Variants in LTBP1 observed in about 807,000 individuals in gnomAD.
LTBP1 encodes latent-transforming growth factor beta-binding protein 1.
A neutral mutation model predicts 207.6 loss-of-function variants in LTBP1; 129 were observed. The ratio of observed to expected loss-of-function variants is 0.62; its 90% CI spans 0.54 to 0.72. The LOEUF (loss-of-function observed/expected upper bound fraction) is 0.72. Ranked by LOEUF, LTBP1 falls within the 30% of genes least tolerant of loss-of-function variation. The probability of loss-of-function intolerance (pLI) is 0.00; values close to 1 mark genes in which losing one functional copy is unlikely to be tolerated. For synonymous variants in LTBP1, 963 were observed against 833.7 expected (o/e 1.16, Z -2.67); for missense variants, 2,281 against 2,217.2 (o/e 1.03, Z -0.58).
At chr2:32,967,979 A>AGTTT (rs113343240) in intron 2 of LTBP1, among the ~76,000 whole-genome samples, 37 of 151,130 alleles carry the variant, frequency 2.4e-4, no homozygotes, top group African/African-American at 6.5e-4. Context: ...CATTTCTATC[A>AGTTT]GTTTGTTTGT....
At chr2:33,148,528 C>A (rs990241342) in intron 5 of LTBP1, among the ~76,000 whole-genome samples, 1 of 152,128 alleles carries the variant, frequency 6.6e-6, no homozygotes, top group Non-Finnish European at 1.5e-5. Context: ...GCAACTTTCC[C>A]TTCTGTGTGT....
chr2:32,981,507 G>A (rs1324884955), intron 2 of LTBP1, among the ~76,000 whole-genome samples: 1 of 152,124 alleles, frequency 6.6e-6, no homozygotes, highest in Non-Finnish European at 1.5e-5. Context: ...AGTTTGTTCA[G>A]CTTTTTACTT....
intron 3 of LTBP1, among the ~76,000 whole-genome samples, chr2:33,078,160 G>A (rs900900230): frequency 3.3e-5 from 5 of 152,194 alleles, no homozygotes; most frequent in African/African-American, 1.2e-4. Flanking sequence ...CATGAAATGT[G>A]ATAACTGCTG....
At chr2:33,007,996 G>A (rs1687159892) in intron 2 of LTBP1, among the ~76,000 whole-genome samples, 1 of 152,186 alleles carries the variant, frequency 6.6e-6, no homozygotes, top group Non-Finnish European at 1.5e-5. Flanking sequence ...GCCACTATAT[G>A]ACACTCGCTA....
At chr2:33,225,217 A>G (rs1375954586) in intron 9 of LTBP1, among the ~76,000 whole-genome samples, 2 of 152,208 alleles carry the variant, frequency 1.3e-5, no homozygotes, top group Non-Finnish European at 2.9e-5. Flanking sequence ...AGATCAAGGT[A>G]TTTAGCAAAT....
chr2:33,078,863 T>TTTC (rs2078239267), intron 3 of LTBP1, among the ~76,000 whole-genome samples: 1 of 85,466 alleles, frequency 1.2e-5, no homozygotes, highest in African/African-American at 3.7e-5. Context: ...TTTTCTTTTC[T>TTTC]TTTTTTTTTT....
chr2:32,952,219 G>A (rs1209329390), intron 2 of LTBP1, among the ~76,000 whole-genome samples: 5 of 152,194 alleles, frequency 3.3e-5, no homozygotes, highest in Non-Finnish European at 7.3e-5. Context: ...AAATGCTTCT[G>A]AAGACTAAAG....
At chr2:33,012,985 C>A (rs1000823977) in intron 2 of LTBP1, among the ~76,000 whole-genome samples, 1 of 152,136 alleles carries the variant, frequency 6.6e-6, no homozygotes, top group Admixed American at 6.6e-5. Flanking sequence ...CTGGTAGTAT[C>A]ACTTTATAGT....
rs1281388030 is a variant in LTBP1 at position 32,948,927 on chromosome 2, T to C, written c.547T>C (p.Ser183Pro). The C allele has an allele frequency of 1.2e-6, 2 of 1,614,116 alleles. No homozygotes were observed. Among genetic ancestry groups the C allele is most frequent in the South Asian group, 2.2e-5 (2 of 91,070 alleles). ...CCHGWSKAPGSQRCTKPSCVP... is the reference protein window; with the variant it reads ...CCHGWSKAPGPQRCTKPSCVP... ...TCATGGCTGGAGTAAGGCCCCTGGC[T>C]CCCAGAGGTGCACCAAACGTAAGTT... The change falls in exon 2 of 34, where the codon TCC (serine) becomes CCC (proline). Residue 183 changes from serine to proline, a missense_variant. Physicochemically the swap from Ser to Pro is moderately conservative, Grantham distance 74. Transcript: ENST00000404816.
chr2:32,965,146 A>G (rs911035778), intron 2 of LTBP1, among the ~76,000 whole-genome samples: 11 of 152,200 alleles, frequency 7.2e-5, no homozygotes, highest in African/African-American at 2.7e-4. Context: ...CAATAGCTCC[A>G]TGGTCAAAGT....
intron 5 of LTBP1, among the ~76,000 whole-genome samples, chr2:33,179,798 G>C (rs77928948): frequency 0.077 from 11,661 of 151,780 alleles, 970 homozygotes; most frequent in African/African-American, 0.21. Flanking sequence ...CCGGTTCTGT[G>C]TCCTGTGATT....
At chr2:33,228,552 A>G (rs868609329) in intron 9 of LTBP1, among the ~76,000 whole-genome samples, 21 of 152,272 alleles carry the variant, frequency 1.4e-4, no homozygotes, top group Admixed American at 4.6e-4. Flanking sequence ...GGGTTAGTCC[A>G]TATGCTATGT....
Position 33,334,364 on chromosome 2 carries a change from T to C in LTBP1, c.3731-8474T>C, listed in dbSNP as rs138326483. Among the ~76,000 whole-genome samples, 7 of 152,320 alleles carry C rather than the reference T, an allele frequency of 4.6e-5. No individual in the cohort carries two copies. The East Asian group carries it at 1.4e-3, about 29-fold the overall frequency. On this transcript the variant is annotated intron_variant, in intron 24 of 33. Transcript: ENST00000404816. The stretch of plus-strand genomic sequence containing the variant: ...GAAGAGGTTTAAGCAGAGAACTATT[T>C]GATTGGACTGTTTCATTAGGTAAAT...
At chr2:33,130,305 G>A (rs939186002) in intron 4 of LTBP1, among the ~76,000 whole-genome samples, 3 of 152,258 alleles carry the variant, frequency 2.0e-5, no homozygotes, top group Admixed American at 6.5e-5. Context: ...CTTCCCAGAG[G>A]ATATTGCCTG....
chr2:33,288,875 A>G (rs1475276963), intron 19 of LTBP1, among the ~76,000 whole-genome samples: 1 of 152,022 alleles, frequency 6.6e-6, no homozygotes, highest in Non-Finnish European at 1.5e-5. Flanking sequence ...AAAAAAGAAA[A>G]AAGAAAAGAA....
chr2:33,363,619 T>C (rs1169714230), intron 29 of LTBP1, 101 bp downstream of exon 29: 2 of 1,316,602 alleles, frequency 1.5e-6, no homozygotes, highest in Non-Finnish European at 2.0e-6. Flanking sequence ...ATCTAAATCA[T>C]GTGTTGAAAA....
chr2:33,269,631 A>G (rs2093271087), intron 15 of LTBP1, among the ~76,000 whole-genome samples: 1 of 152,218 alleles, frequency 6.6e-6, no homozygotes, highest in African/African-American at 2.4e-5. Context: ...GACAGAGCCC[A>G]GTTTCTAGAG....
At chr2:33,385,976 C>T (rs72861495) in intron 31 of LTBP1, among the ~76,000 whole-genome samples, 4,323 of 152,094 alleles carry the variant, frequency 0.028, 199 homozygotes, top group African/African-American at 0.098. Context: ...GAGGAAAAAA[C>T]GCATGGCAGG....
intron 3 of LTBP1, among the ~76,000 whole-genome samples, chr2:33,069,046 T>C (rs1282548408): frequency 1.3e-5 from 2 of 152,340 alleles, no homozygotes; most frequent in Middle Eastern, 3.4e-3. Flanking sequence ...AAATTTTGTT[T>C]GGGGCTCAGG....
Sources: gnomAD v4.1 joint callset for allele counts (sites outside exome capture counted in the v4.1 genomes callset) on GRCh38, gnomAD v4.1.1 for gene constraint, MANE v1.5 for transcripts, NCBI Gene and HGNC (gene_info 2026-07-23, HGNC 2026-07-21) for gene names.